CALD1: variants seen among roughly 807,000 people sequenced by gnomAD.
The protein encoded by CALD1 is caldesmon.
CALD1 carries 33 observed loss-of-function variants against 99.9 expected under a neutral mutation model. The ratio of observed to expected loss-of-function variants is 0.33; its 90% CI spans 0.25 to 0.44. CALD1 has a LOEUF of 0.44. CALD1 is among the 20% of genes least tolerant of loss of function. CALD1 has a pLI of 1.00. For missense variants in CALD1, 861 were observed against 962.1 expected, an observed-to-expected ratio of 0.89 and a Z score of 1.39; for synonymous variants, 310 against 325.0, an observed-to-expected ratio of 0.95 and a Z score of 0.50.
intron 4 of CALD1, 117 bp downstream of exon 4, chr7:134,929,017 C>A: frequency 4.4e-6 from 4 of 905,130 alleles, no homozygotes; most frequent in South Asian, 1.9e-5. Flanking sequence ...TTCAATCTAA[C>A]TGGTTTAATT....
chr7:134,855,119 T>A (rs552526795), intron 2 of CALD1, among the ~76,000 whole-genome samples: 83 of 152,298 alleles, frequency 5.4e-4, no homozygotes, highest in African/African-American at 1.9e-3. Context: ...CCAATTAAAG[T>A]CTTTTCTTTA....
upstream of CALD1, among the ~76,000 whole-genome samples, chr7:134,742,486 G>A (rs917216396): frequency 1.3e-5 from 2 of 152,190 alleles, no homozygotes; most frequent in Admixed American, 1.3e-4. Flanking sequence ...GAATGTGCTC[G>A]AAGTCCTGTG....
chr7:134,851,196 C>T (rs1800065993), intron 2 of CALD1, among the ~76,000 whole-genome samples: 1 of 152,108 alleles, frequency 6.6e-6, no homozygotes, highest in South Asian at 2.1e-4. Context: ...CTACCACTCC[C>T]CAAATAGTTA....
At chr7:134,856,758 C>A (rs1035602829) in intron 2 of CALD1, among the ~76,000 whole-genome samples, 1 of 152,180 alleles carries the variant, frequency 6.6e-6, no homozygotes, top group African/African-American at 2.4e-5. Context: ...ACCACAACTA[C>A]AAATCAGAAT....
At chr7:134,807,830 GT>G (rs1463020565) in intron 1 of CALD1, among the ~76,000 whole-genome samples, 1 of 152,096 alleles carries the variant, frequency 6.6e-6, no homozygotes, top group Admixed American at 6.5e-5. Flanking sequence ...GTTTCACCAT[GT>G]TGGCCAGGCT....
intron 1 of CALD1, among the ~76,000 whole-genome samples, chr7:134,782,994 C>T (rs1352217922): frequency 6.6e-6 from 1 of 152,174 alleles, no homozygotes. Flanking sequence ...TGGTACAAGG[C>T]ACCAGGAAAT....
chr7:134,960,647 T>C lies in CALD1; in HGVS notation c.2295+19T>C, dbSNP rs1243140990. ...ACCTTCTGTAAGTACCTTTAGGTTT[T>C]TCTGAGTTTCTTTGATCTCCCAGCT... On this transcript the variant is annotated intron_variant, in intron 13 of 14. Transcript: ENST00000361675. The C allele has an allele frequency of 6.7e-7, 1 of 1,499,294 alleles. No homozygotes were observed. Among genetic ancestry groups the C allele is most frequent in the African/African-American group, 1.4e-5 (1 of 72,676 alleles). The allele number at this position is 1,499,294 out of a possible 1,614,324, so 92.9% of individuals were successfully genotyped here.
chr7:134,947,530 G>A lies in CALD1; in HGVS notation c.1555G>A (p.Val519Met), dbSNP rs569578471. The A allele has an allele frequency of 3.8e-6, 6 of 1,568,674 alleles. No homozygotes were observed. Among genetic ancestry groups the A allele is most frequent in the South Asian group, 3.5e-5 (3 of 85,110 alleles). Residue 519 changes from valine to methionine, a missense_variant, in exon 8 of 15, where the codon GTG becomes ATG. Coordinates refer to ENST00000361675, the MANE Select transcript of CALD1 (RefSeq NM_033138.4). ...TFSRPGGRAS[V>M]DTKEAEGAPQ... The stretch of plus-strand genomic sequence containing the variant: ...CAGCCGCCCTGGAGGGAGGGCCAGC[G>A]TGGACACCAAGGAGGCTGAGGGCGC...
upstream of CALD1, among the ~76,000 whole-genome samples, chr7:134,776,048 C>T (rs1278951249): frequency 1.3e-5 from 2 of 152,120 alleles, no homozygotes; most frequent in African/African-American, 2.4e-5. Flanking sequence ...ATTTATAGAT[C>T]CTCTCAAATT....
At chr7:134,920,822 T>G (rs1195094191) in intron 3 of CALD1, 2 of 547,314 alleles carry the variant, frequency 3.7e-6, no homozygotes, top group East Asian at 1.4e-4. Flanking sequence ...AGAGTTCTTT[T>G]TCAAAATATA....
At chr7:134,940,198 T>C (rs777334364) in intron 6 of CALD1, among the ~76,000 whole-genome samples, 2 of 152,232 alleles carry the variant, frequency 1.3e-5, no homozygotes, top group Non-Finnish European at 2.9e-5. Context: ...CTTTTAAGAA[T>C]GGATGAGATG....
chr7:134,888,212 T>C (rs148919406), intron 3 of CALD1, among the ~76,000 whole-genome samples: 90 of 152,374 alleles, frequency 5.9e-4, no homozygotes, highest in African/African-American at 2.0e-3. Flanking sequence ...AAGGATACTA[T>C]GAGTAATCTC....
At chr7:134,950,287 T>C in intron 8 of CALD1, 87 bp from the exon 9 acceptor site, 2 of 1,369,162 alleles carry the variant, frequency 1.5e-6, no homozygotes, top group Non-Finnish European at 2.0e-6. Flanking sequence ...CTGCTGCCTC[T>C]CCAACTGTGC....
chr7:134,759,566 G>C (rs1219712491), intron 1 of CALD1, among the ~76,000 whole-genome samples: 1 of 152,198 alleles, frequency 6.6e-6, no homozygotes, highest in Non-Finnish European at 1.5e-5. Context: ...GGCTAGAGTG[G>C]AGAGTGAATG....
chr7:134,889,206 T>C (rs1355714005), intron 3 of CALD1, among the ~76,000 whole-genome samples: 1 of 152,204 alleles, frequency 6.6e-6, no homozygotes, highest in African/African-American at 2.4e-5. Context: ...TGGGCTAACA[T>C]CAAGGTGTCA....
intron 1 of CALD1, among the ~76,000 whole-genome samples, chr7:134,793,233 G>C (rs1226181918): frequency 6.6e-6 from 1 of 152,230 alleles, no homozygotes; most frequent in Non-Finnish European, 1.5e-5. Context: ...GGCCCAAAGA[G>C]GGTGGCCCTT....
intron 2 of CALD1, among the ~76,000 whole-genome samples, chr7:134,848,530 T>G (rs1294832366): frequency 6.6e-6 from 1 of 152,186 alleles, no homozygotes. Context: ...TGACCAAATA[T>G]GATATATCAT....
the CALD1 span, among the ~76,000 whole-genome samples, chr7:134,721,755 A>T: frequency 6.6e-6 from 1 of 152,150 alleles, no homozygotes; most frequent in Admixed American, 6.5e-5. Context: ...TCCTTGCAAC[A>T]TTATTGCTGT....
chr7:134,837,842 T>C (rs1025783688), intron 1 of CALD1, among the ~76,000 whole-genome samples: 7 of 152,332 alleles, frequency 4.6e-5, no homozygotes, highest in South Asian at 2.1e-4. Flanking sequence ...CATTTTAAAA[T>C]TGAAGTAGCT....
Sources: allele counts gnomAD v4.1 joint callset (sites outside exome capture counted in the v4.1 genomes callset), GRCh38; gene constraint gnomAD v4.1.1; transcripts MANE v1.5; gene names NCBI Gene and HGNC (gene_info 2026-07-23, HGNC 2026-07-21).